TSPAN18: variants seen among roughly 807,000 people sequenced by gnomAD.
The protein encoded by TSPAN18 is tetraspanin-18.
Under a neutral mutation model 27.3 loss-of-function variants are expected in TSPAN18, and 14 were observed. The observed-to-expected ratio is 0.51, with a 90% CI of 0.34 to 0.80. The LOEUF (loss-of-function observed/expected upper bound fraction) is 0.80, where lower values mean the gene tolerates loss of function less well. Ranked by LOEUF, TSPAN18 falls within the 30% of genes least tolerant of loss-of-function variation. The probability of loss-of-function intolerance (pLI) is 0.01; values close to 1 mark genes in which losing one functional copy is unlikely to be tolerated. For missense variants in TSPAN18, 268 were observed against 323.9 expected, an observed-to-expected ratio of 0.83 and a Z score of 1.32; for synonymous variants, 143 against 136.5, an observed-to-expected ratio of 1.05 and a Z score of -0.33.
intron 3 of TSPAN18, among the ~76,000 whole-genome samples, chr11:44,863,135 G>A (rs1857941435): frequency 6.6e-6 from 1 of 152,244 alleles, no homozygotes; most frequent in Non-Finnish European, 1.5e-5. Flanking sequence ...GAGGCCAGAA[G>A]GAGATGTTAC....
intron 2 of TSPAN18, among the ~76,000 whole-genome samples, chr11:44,810,887 G>T (rs1405478570): frequency 6.6e-6 from 1 of 152,092 alleles, no homozygotes. Flanking sequence ...AGGATTACAG[G>T]TGTGAGCCAC....
At chr11:44,746,681 G>A (rs182833316) in intron 1 of TSPAN18, among the ~76,000 whole-genome samples, 103 of 152,218 alleles carry the variant, frequency 6.8e-4, no homozygotes, top group African/African-American at 2.2e-3. Context: ...TGCTTGAGCC[G>A]AGGAGTTAGA....
chr11:44,913,116 A>G (rs1264979321), intron 5 of TSPAN18, among the ~76,000 whole-genome samples: 3 of 152,226 alleles, frequency 2.0e-5, no homozygotes, highest in Non-Finnish European at 4.4e-5. Flanking sequence ...AGCTTCTGGG[A>G]TCCTTCTAGA....
chr11:44,888,887 G>A (rs543773810), intron 3 of TSPAN18, among the ~76,000 whole-genome samples: 1 of 152,322 alleles, frequency 6.6e-6, no homozygotes, highest in East Asian at 1.9e-4. Flanking sequence ...ATCTCATCTT[G>A]AATTGTAATC....
chr11:44,922,481 C>T (rs1436698892), intron 8 of TSPAN18, among the ~76,000 whole-genome samples: 2 of 152,102 alleles, frequency 1.3e-5, no homozygotes, highest in East Asian at 1.9e-4. Flanking sequence ...GTTGAGTTCA[C>T]TGTGGGGGTT....
intron 9 of TSPAN18, among the ~76,000 whole-genome samples, chr11:44,927,665 A>G (rs1860417440): frequency 6.6e-6 from 1 of 152,190 alleles, no homozygotes; most frequent in South Asian, 2.1e-4. Flanking sequence ...GCACTGTTAT[A>G]GTTGAACAAG....
chr11:44,838,819 A>G (rs930484988), intron 2 of TSPAN18, among the ~76,000 whole-genome samples: 5 of 152,212 alleles, frequency 3.3e-5, no homozygotes, highest in Admixed American at 6.5e-5. Flanking sequence ...ATAATTAACA[A>G]AATAATACAT....
chr11:44,854,960 T>C (rs1826049450), intron 2 of TSPAN18, among the ~76,000 whole-genome samples: 1 of 152,240 alleles, frequency 6.6e-6, no homozygotes, highest in South Asian at 2.1e-4. Context: ...AAATAATTCC[T>C]TCCTTTATGA....
At chr11:44,822,835 A>G (rs1856954990) in intron 2 of TSPAN18, among the ~76,000 whole-genome samples, 1 of 152,136 alleles carries the variant, frequency 6.6e-6, no homozygotes, top group Non-Finnish European at 1.5e-5. Flanking sequence ...CACTTTCTCC[A>G]ATTGTATAAT....
At chr11:44,898,615 A>G (rs1025722231) in intron 3 of TSPAN18, among the ~76,000 whole-genome samples, 5 of 152,276 alleles carry the variant, frequency 3.3e-5, no homozygotes, top group African/African-American at 1.2e-4. Context: ...GATGAAGGCC[A>G]TCTTGCTGCC....
intron 2 of TSPAN18, among the ~76,000 whole-genome samples, chr11:44,778,257 C>T (rs1266126877): frequency 2.0e-5 from 3 of 152,042 alleles, no homozygotes; most frequent in Non-Finnish European, 4.4e-5. Flanking sequence ...GTTTAAGGGC[C>T]TGAGTTGGCA....
chr11:44,835,509 G>C (rs1857246217), intron 2 of TSPAN18, among the ~76,000 whole-genome samples: 1 of 152,086 alleles, frequency 6.6e-6, no homozygotes, highest in East Asian at 1.9e-4. Context: ...AAGGAGGAAG[G>C]CTTGGGTGAG....
intron 5 of TSPAN18, among the ~76,000 whole-genome samples, chr11:44,915,119 C>G (rs1450993155): frequency 1.3e-5 from 2 of 152,184 alleles, no homozygotes; most frequent in Non-Finnish European, 2.9e-5. Context: ...CCAGCTCCAG[C>G]TCATTGCCGT....
rs1554985027 is a variant in TSPAN18 at position 44,800,006 on chromosome 11, G to GGTTTT, written c.-153+35494_-153+35495insGTTTT. On this transcript the variant is annotated intron_variant, in intron 2 of 9. Coordinates refer to ENST00000520358, the MANE Select transcript of TSPAN18 (RefSeq NM_130783.5). ...CCACCACACCCGGCTAATTTTTTGTGTTTTTTTTTTTTTTTTTTTTTTGTA... is the reference window on the plus strand; with the variant it reads ...CCACCACACCCGGCTAATTTTTTGTGGTTTTTTTTTTTTTTTTTTTTTTTTTTGTA... Among the ~76,000 whole-genome samples the GGTTTT allele has an allele frequency of 9.1e-5, 10 of 109,396 alleles. 2 individuals carry two copies. The highest frequency in any genetic ancestry group is 1.4e-4 in the African/African-American group (4 of 27,858). 71.8% of individuals were successfully genotyped at this position (109,396 alleles called of 152,430 possible). A position where few individuals can be genotyped will look rare whatever the true frequency, so the allele number is the denominator to read the frequency against.
chr11:44,763,846 A>G (rs1855506520), intron 1 of TSPAN18, among the ~76,000 whole-genome samples: 1 of 152,100 alleles, frequency 6.6e-6, no homozygotes. Flanking sequence ...CTGCCTTTCC[A>G]GCTGTATTAG....
intron 2 of TSPAN18, among the ~76,000 whole-genome samples, chr11:44,840,325 T>C (rs57403375): frequency 0.036 from 5,492 of 152,128 alleles, 230 homozygotes; most frequent in African/African-American, 0.1. Context: ...CTCTCCCTCA[T>C]TGGGGAGAGT....
chr11:44,785,039 G>A (rs1191398990), intron 2 of TSPAN18, among the ~76,000 whole-genome samples: 2 of 152,178 alleles, frequency 1.3e-5, no homozygotes, highest in Admixed American at 1.3e-4. Context: ...ACGGTAATGA[G>A]ACAAAGCGTG....
chr11:44,785,620 T>G (rs1457060274), intron 2 of TSPAN18, among the ~76,000 whole-genome samples: 3 of 151,570 alleles, frequency 2.0e-5, no homozygotes, highest in African/African-American at 7.3e-5. Context: ...CACAAAGTAC[T>G]TGTGGCTTTG....
At chr11:44,913,541 T>A (rs1190646472) in intron 5 of TSPAN18, among the ~76,000 whole-genome samples, 1 of 152,226 alleles carries the variant, frequency 6.6e-6, no homozygotes, top group Non-Finnish European at 1.5e-5. Flanking sequence ...TATTTTATAA[T>A]GAAGGCAAGC....
Sources: gnomAD v4.1 joint callset for allele counts (sites outside exome capture counted in the v4.1 genomes callset) on GRCh38, gnomAD v4.1.1 for gene constraint, MANE v1.5 for transcripts, NCBI Gene and HGNC (gene_info 2026-07-23, HGNC 2026-07-21) for gene names.